The following ADAMTSL3 variants were observed in gnomAD, a reference collection of about 807,000 sequenced individuals.
The protein encoded by ADAMTSL3 is ADAMTS like 3, also known as ADAMTS-like protein 3.
A neutral mutation model predicts 201.7 loss-of-function variants in ADAMTSL3; 128 were observed. That is an observed-to-expected ratio of 0.63 (90% CI 0.55 to 0.73). The LOEUF (loss-of-function observed/expected upper bound fraction) is 0.73. ADAMTSL3 is among the 30% of genes least tolerant of loss of function. ADAMTSL3 has a pLI of 0.00. For synonymous variants in ADAMTSL3, 738 were observed against 748.4 expected, an observed-to-expected ratio of 0.99 and a Z score of 0.23; for missense variants, 1,990 against 2,119.6, an observed-to-expected ratio of 0.94 and a Z score of 1.20.
At chr15:83,792,809 C>T (rs1228249576) in intron 4 of ADAMTSL3, among the ~76,000 whole-genome samples, 3 of 149,536 alleles carry the variant, frequency 2.0e-5, no homozygotes, top group Non-Finnish European at 3.0e-5. Context: ...AAAAAAAAAT[C>T]ATATGATCCA....
chr15:83,749,567 G>A (rs1450319879), intron 3 of ADAMTSL3, among the ~76,000 whole-genome samples: 2 of 152,184 alleles, frequency 1.3e-5, no homozygotes, highest in South Asian at 2.1e-4. Context: ...GTAGGACGCA[G>A]GTGGAAGGTT....
chr15:83,689,698 A>C (rs2061586139), intron 2 of ADAMTSL3, among the ~76,000 whole-genome samples: 1 of 152,236 alleles, frequency 6.6e-6, no homozygotes, highest in Non-Finnish European at 1.5e-5. Context: ...CCTTCATTTT[A>C]GAGTGAGACT....
chr15:83,889,725 C>T (rs1211004567), intron 10 of ADAMTSL3, among the ~76,000 whole-genome samples: 1 of 152,126 alleles, frequency 6.6e-6, no homozygotes, highest in Non-Finnish European at 1.5e-5. Context: ...AACTCTCCTG[C>T]ACCTGGGCTG....
At chr15:83,758,543 T>G (rs1030914435) in intron 3 of ADAMTSL3, among the ~76,000 whole-genome samples, 23 of 152,178 alleles carry the variant, frequency 1.5e-4, no homozygotes, top group Non-Finnish European at 7.3e-5. Flanking sequence ...CAGTTAACTT[T>G]TTTCCTGTTT....
intron 23 of ADAMTSL3, among the ~76,000 whole-genome samples, chr15:84,002,605 G>A (rs1172651073): frequency 1.3e-5 from 2 of 152,042 alleles, no homozygotes; most frequent in Non-Finnish European, 2.9e-5. Flanking sequence ...TTAGACCAAT[G>A]GGTAAACCAA....
At chr15:83,789,797 A>G (rs1380684513) in intron 4 of ADAMTSL3, among the ~76,000 whole-genome samples, 1 of 152,198 alleles carries the variant, frequency 6.6e-6, no homozygotes, top group Non-Finnish European at 1.5e-5. Context: ...AGATAATAAC[A>G]TACAGTCATG....
intron 2 of ADAMTSL3, among the ~76,000 whole-genome samples, chr15:83,673,260 G>A (rs1379550841): frequency 6.6e-6 from 1 of 152,264 alleles, no homozygotes. Flanking sequence ...TTGGGGAGAG[G>A]GAGAGAAACC....
At chr15:84,031,552 C>T in intron 28 of ADAMTSL3, 120 bp downstream of exon 28, 1 of 841,082 alleles carries the variant, frequency 1.2e-6, no homozygotes, top group South Asian at 1.6e-5. Flanking sequence ...TGACAGTTTT[C>T]AATTATGATT....
intron 9 of ADAMTSL3, among the ~76,000 whole-genome samples, chr15:83,875,780 T>C (rs1366355263): frequency 6.6e-6 from 1 of 151,244 alleles, no homozygotes; most frequent in African/African-American, 2.4e-5. Context: ...AGACTTCATC[T>C]CAAAAAATAA....
At chr15:83,669,725 C>T (rs1395439051) in intron 2 of ADAMTSL3, among the ~76,000 whole-genome samples, 1 of 151,742 alleles carries the variant, frequency 6.6e-6, no homozygotes, top group African/African-American at 2.4e-5. Context: ...GCCTCGGCCT[C>T]CCAAAGTGCT....
chr15:83,688,588 G>A (rs146506835), intron 2 of ADAMTSL3, among the ~76,000 whole-genome samples: 155 of 151,382 alleles, frequency 1.0e-3, no homozygotes, highest in African/African-American at 3.5e-3. Context: ...TAACCTTTAC[G>A]TTCTTTTATT....
At chr15:83,699,613 G>A (rs569989009) in intron 2 of ADAMTSL3, among the ~76,000 whole-genome samples, 21 of 152,180 alleles carry the variant, frequency 1.4e-4, no homozygotes, top group Non-Finnish European at 1.8e-4. Flanking sequence ...ATTGTTCTCC[G>A]TCTCCTTACC....
At chr15:83,763,157 T>C (rs1163276150) in intron 3 of ADAMTSL3, among the ~76,000 whole-genome samples, 1 of 152,166 alleles carries the variant, frequency 6.6e-6, no homozygotes, top group Non-Finnish European at 1.5e-5. Context: ...CCCTGAAGTG[T>C]TGGGATTACA....
rs746024968 is a variant in ADAMTSL3, at chr15:83,892,863, A to C, written c.1442A>C (p.Lys481Thr). The C allele has an allele frequency of 1.9e-6, 3 of 1,614,122 alleles. No individual in the cohort carries two copies. Among genetic ancestry groups the C allele is most frequent in the Non-Finnish European group, 2.5e-6 (3 of 1,180,018 alleles). ...MQTCNLFDCP[K>T]WIAMEWSQCT... ...ACTTGTAATCTGTTTGATTGCCCCAAGTGGATTGCCATGGAGTGGTCTCAG... is the reference window on the plus strand; with the variant it reads ...ACTTGTAATCTGTTTGATTGCCCCACGTGGATTGCCATGGAGTGGTCTCAG... The change falls in exon 13 of 30, where the codon AAG (lysine) becomes ACG (threonine). Residue 481 changes from lysine to threonine, a missense_variant. Transcript: ENST00000286744.
chr15:83,821,613 A>G (rs904219390), intron 6 of ADAMTSL3, among the ~76,000 whole-genome samples: 22 of 151,554 alleles, frequency 1.5e-4, no homozygotes, highest in Middle Eastern at 3.4e-3. Flanking sequence ...TTAGTACAGA[A>G]CAAAATGAAA....
chr15:83,817,085 TGGATGCAATATA>T (rs2063782350), intron 5 of ADAMTSL3, among the ~76,000 whole-genome samples: 1 of 152,210 alleles, frequency 6.6e-6, no homozygotes, highest in South Asian at 2.1e-4. Context: ...AACAAAAATG[TGGATGCAATATA>T]GGATTTTGGA....
intron 28 of ADAMTSL3, among the ~76,000 whole-genome samples, chr15:84,033,127 C>T (rs1006578724): frequency 6.6e-6 from 1 of 151,998 alleles, no homozygotes; most frequent in Non-Finnish European, 1.5e-5. Context: ...CACCATTACC[C>T]TTGGCCAAAC....
At chr15:83,705,817 G>A (rs1334346299) in intron 3 of ADAMTSL3, among the ~76,000 whole-genome samples, 1 of 152,220 alleles carries the variant, frequency 6.6e-6, no homozygotes, top group Non-Finnish European at 1.5e-5. Context: ...CCAGACCGCT[G>A]TGGGCAGGGA....
intron 3 of ADAMTSL3, among the ~76,000 whole-genome samples, chr15:83,727,812 G>C (rs1260474134): frequency 1.3e-5 from 2 of 152,010 alleles, no homozygotes; most frequent in Non-Finnish European, 2.9e-5. Flanking sequence ...AACGAGCCAT[G>C]TGTTGAGGAG....
Sources: allele counts gnomAD v4.1 joint callset (sites outside exome capture counted in the v4.1 genomes callset), GRCh38; gene constraint gnomAD v4.1.1; transcripts MANE v1.5; gene names NCBI Gene and HGNC (gene_info 2026-07-23, HGNC 2026-07-21).